KLHL29: variants seen among roughly 807,000 people sequenced by gnomAD.
KLHL29 encodes kelch-like protein 29.
A neutral mutation model predicts 80.4 loss-of-function variants in KLHL29; 21 were observed. That is an observed-to-expected ratio of 0.26 (90% CI 0.19 to 0.38). The LOEUF (loss-of-function observed/expected upper bound fraction) is 0.38, where lower values mean the gene tolerates loss of function less well. Ranked by LOEUF, KLHL29 falls within the 10% of genes least tolerant of loss-of-function variation. The pLI, the probability that KLHL29 is intolerant of heterozygous loss-of-function variation, is 1.00. For synonymous variants in KLHL29, 511 were observed against 526.8 expected, an observed-to-expected ratio of 0.97 and a Z score of 0.41; for missense variants, 867 against 1,223.9, an observed-to-expected ratio of 0.71 and a Z score of 4.35.
chr2:23,673,327 C>T (rs1670821890), intron 5 of KLHL29, among the ~76,000 whole-genome samples: 1 of 151,780 alleles, frequency 6.6e-6, no homozygotes, highest in South Asian at 2.1e-4. Context: ...GACACACATA[C>T]ACCCATCCTC....
At chr2:23,583,487 A>C (rs1255325681) in intron 3 of KLHL29, among the ~76,000 whole-genome samples, 1 of 152,184 alleles carries the variant, frequency 6.6e-6, no homozygotes, top group African/African-American at 2.4e-5. Context: ...TTCCTATAAC[A>C]TATGGACTCC....
intron 1 of KLHL29, among the ~76,000 whole-genome samples, chr2:23,426,606 C>G (rs888754499): frequency 1.3e-5 from 2 of 152,268 alleles, no homozygotes; most frequent in African/African-American, 2.4e-5. Flanking sequence ...AGAATGTCTC[C>G]TGCCCTGGCT....
At position 23,649,045 on chromosome 2, in the gene KLHL29, G is replaced by A. The variant is rs145623101; in HGVS notation, c.940+6195G>A. Among the ~76,000 whole-genome samples, 171 of 152,316 alleles carry A rather than the reference G, an allele frequency of 1.1e-3. 2 individuals are homozygous for A. In the East Asian group the frequency reaches 0.024, roughly 21 times the overall value. ...GTAGGCTCGAATAATATTAGCTGTT[G>A]TTATGACCACTACTGTAAATCCTAA... is the stretch of plus-strand genomic sequence containing the variant. On this transcript the variant is annotated intron_variant, in intron 5 of 13. Coordinates refer to ENST00000486442, the MANE Select transcript of KLHL29 (RefSeq NM_052920.2).
In KLHL29 at chr2:23,671,050, T is replaced by G. The variant is rs188841574; in HGVS notation, c.941-13349T>G. ...TCCTAACCTCACATCCTCCCAGCTGTGACTCCTCCCTGGATGGGATTCGCA... is the reference window on the plus strand; with the variant it reads ...TCCTAACCTCACATCCTCCCAGCTGGGACTCCTCCCTGGATGGGATTCGCA... On this transcript the variant is annotated intron_variant, in intron 5 of 13. Coordinates refer to ENST00000486442, the MANE Select transcript of KLHL29 (RefSeq NM_052920.2). 2.6e-4 allele frequency among the ~76,000 whole-genome samples: 13 copies of G among 50,234 alleles called. 4 individuals are homozygous for G. The East Asian group carries it at 0.032, about 125-fold the overall frequency. 33.0% of individuals were successfully genotyped at this position (50,234 alleles called of 152,430 possible).
At chr2:23,455,560 C>A (rs1664026364) in intron 1 of KLHL29, among the ~76,000 whole-genome samples, 1 of 151,120 alleles carries the variant, frequency 6.6e-6, no homozygotes, top group African/African-American at 2.4e-5. Flanking sequence ...GACAAGTTTG[C>A]CATTGAGTGA....
intron 4 of KLHL29, among the ~76,000 whole-genome samples, chr2:23,641,881 G>A (rs1669778894): frequency 1.3e-5 from 2 of 152,350 alleles, no homozygotes; most frequent in South Asian, 4.1e-4. Context: ...CTACTCAGGA[G>A]GCTGAGGCAG....
intron 2 of KLHL29, among the ~76,000 whole-genome samples, chr2:23,549,460 C>CCTT (rs1032731698): frequency 2.1e-5 from 3 of 145,596 alleles, no homozygotes; most frequent in African/African-American, 7.5e-5. Context: ...GTCTGGGCTT[C>CCTT]TTTTTTTTTT....
intron 2 of KLHL29, among the ~76,000 whole-genome samples, chr2:23,550,908 C>G (rs1667107012): frequency 6.6e-6 from 1 of 152,178 alleles, no homozygotes; most frequent in Non-Finnish European, 1.5e-5. Flanking sequence ...AGAGGCGGCC[C>G]TGGGAGGGGG....
intron 3 of KLHL29, among the ~76,000 whole-genome samples, chr2:23,577,611 G>A (rs1667875467): frequency 6.6e-6 from 1 of 151,974 alleles, no homozygotes; most frequent in Admixed American, 6.6e-5. Flanking sequence ...AGCTGGGCGT[G>A]GTGTTGGGCA....
chr2:23,533,144 G>A (rs1466834740), intron 2 of KLHL29, among the ~76,000 whole-genome samples: 2 of 152,068 alleles, frequency 1.3e-5, no homozygotes, highest in Non-Finnish European at 2.9e-5. Context: ...TATTGGGGGA[G>A]GAAAAGGTGT....
chr2:23,594,011 A>G (rs933096244), intron 3 of KLHL29, among the ~76,000 whole-genome samples: 6 of 151,442 alleles, frequency 4.0e-5, no homozygotes, highest in African/African-American at 7.4e-5. Flanking sequence ...TTCCCTGCCT[A>G]TCAAACAGGA....
intron 8 of KLHL29, among the ~76,000 whole-genome samples, chr2:23,694,184 T>G (rs906166006): frequency 1.3e-5 from 2 of 152,338 alleles, no homozygotes; most frequent in Middle Eastern, 3.4e-3. Flanking sequence ...CAGAATGTCC[T>G]GCAGATCCGT....
chr2:23,569,072 C>T (rs1374593689), intron 3 of KLHL29, among the ~76,000 whole-genome samples: 1 of 152,252 alleles, frequency 6.6e-6, no homozygotes, highest in Non-Finnish European at 1.5e-5. Flanking sequence ...ATGCTTGATC[C>T]TGTCACCACT....
chr2:23,674,579 C>T (rs1284980784), intron 5 of KLHL29, among the ~76,000 whole-genome samples: 1 of 152,210 alleles, frequency 6.6e-6, no homozygotes, highest in Non-Finnish European at 1.5e-5. Context: ...CAAGAGCCTA[C>T]CTCCAGTGGA....
intron 1 of KLHL29, among the ~76,000 whole-genome samples, chr2:23,472,790 G>T (rs966851407): frequency 6.6e-6 from 1 of 152,228 alleles, no homozygotes; most frequent in African/African-American, 2.4e-5. Flanking sequence ...AGGAGTTAAA[G>T]AACTTACCTG....
chr2:23,645,706 C>T (rs1669908713), intron 5 of KLHL29, among the ~76,000 whole-genome samples: 1 of 152,168 alleles, frequency 6.6e-6, no homozygotes, highest in South Asian at 2.1e-4. Flanking sequence ...TCATTAGTGC[C>T]CAGATTTAAA....
intron 1 of KLHL29, among the ~76,000 whole-genome samples, chr2:23,426,810 C>G (rs1663016007): frequency 6.6e-6 from 1 of 152,186 alleles, no homozygotes; most frequent in African/African-American, 2.4e-5. Flanking sequence ...CCTCAGCTGA[C>G]AGCTCTTCTG....
chr2:23,490,591 T>C (rs527859518), intron 2 of KLHL29, among the ~76,000 whole-genome samples: 6 of 152,242 alleles, frequency 3.9e-5, no homozygotes, highest in Non-Finnish European at 7.4e-5. Flanking sequence ...TTGGCTCCAA[T>C]ACCATGGGGG....
intron 2 of KLHL29, among the ~76,000 whole-genome samples, chr2:23,516,894 A>G (rs1181998307): frequency 2.6e-5 from 4 of 152,328 alleles, no homozygotes; most frequent in South Asian, 2.1e-4. Context: ...TCAGAGCAGA[A>G]CCAAGTCTTG....
Sources: allele counts gnomAD v4.1 joint callset (sites outside exome capture counted in the v4.1 genomes callset), GRCh38; gene constraint gnomAD v4.1.1; transcripts MANE v1.5; gene names NCBI Gene and HGNC (gene_info 2026-07-23, HGNC 2026-07-21).